GAS7: variants seen among roughly 807,000 people sequenced by gnomAD.
GAS7 encodes the protein growth arrest specific 7.
In GAS7, 28 loss-of-function variants were observed where a neutral mutation model predicts 71.1. That is an observed-to-expected ratio of 0.39 (90% confidence interval 0.29 to 0.54). The LOEUF is 0.54. Among genes scored for constraint, GAS7 ranks in the 20% least tolerant of loss-of-function variants. GAS7 has a pLI of 0.62. For synonymous variants in GAS7, 258 were observed against 245.8 expected (o/e 1.05, Z -0.46); for missense variants, 436 against 627.8 (o/e 0.69, Z 3.27).
At chr17:10,053,222 T>C (rs990482415) in intron 1 of GAS7, among the ~76,000 whole-genome samples, 3 of 152,040 alleles carry the variant, frequency 2.0e-5, no homozygotes, top group Non-Finnish European at 4.4e-5. Flanking sequence ...ATGAATAAAA[T>C]GGACCAAGGG....
At chr17:9,989,311 TGA>T (rs1462522016) in intron 2 of GAS7, among the ~76,000 whole-genome samples, 1 of 152,178 alleles carries the variant, frequency 6.6e-6, no homozygotes, top group African/African-American at 2.4e-5. Flanking sequence ...ACCCTTTATT[TGA>T]GAATCATCCT....
intron 1 of GAS7, among the ~76,000 whole-genome samples, chr17:10,080,919 C>T (rs751436979): frequency 6.6e-6 from 1 of 152,184 alleles, no homozygotes; most frequent in African/African-American, 2.4e-5. Context: ...AGCAACAGAA[C>T]ACACATTTAT....
chr17:9,946,874 G>A lies in GAS7; in HGVS notation c.615+20C>T. On this transcript the variant is annotated intron_variant, in intron 6 of 13. Coordinates refer to ENST00000432992, the MANE Select transcript of GAS7 (RefSeq NM_201433.2). Reference sequence around the variant, plus strand: ...CGGTCACCGGGGTCACGCTGTGGGGGAAACTGAGGCGCTGCTTACCCAGAA... The same window carrying A: ...CGGTCACCGGGGTCACGCTGTGGGGAAAACTGAGGCGCTGCTTACCCAGAA... 4 of 1,557,248 alleles carry A rather than the reference G, an allele frequency of 2.6e-6. No individual in the cohort carries two copies. The highest frequency in any genetic ancestry group is 1.4e-5 in the African/African-American group (1 of 73,866).
At chr17:9,983,188 T>A (rs968310848) in intron 2 of GAS7, among the ~76,000 whole-genome samples, 8 of 152,128 alleles carry the variant, frequency 5.3e-5, no homozygotes, top group African/African-American at 1.9e-4. Context: ...TAAATTTTTG[T>A]GAATACCTTT....
intron 2 of GAS7, among the ~76,000 whole-genome samples, chr17:9,999,948 A>G (rs2071201352): frequency 6.6e-6 from 1 of 152,208 alleles, no homozygotes; most frequent in African/African-American, 2.4e-5. Flanking sequence ...ATCCATGCAG[A>G]GGAATGGTAA....
intron 1 of GAS7, among the ~76,000 whole-genome samples, chr17:10,167,731 CT>C (rs1042871872): frequency 5.3e-5 from 8 of 151,978 alleles, no homozygotes; most frequent in African/African-American, 1.9e-4. Context: ...CAAGGTCTCG[CT>C]CTGTCACCCA....
At chr17:9,964,341 C>T (rs532322005) in intron 4 of GAS7, among the ~76,000 whole-genome samples, 1 of 152,260 alleles carries the variant, frequency 6.6e-6, no homozygotes, top group African/African-American at 2.4e-5. Context: ...GGGTCCCATC[C>T]CTTCAGCAGG....
At chr17:10,082,791 T>C (rs771782630) in intron 1 of GAS7, among the ~76,000 whole-genome samples, 2 of 152,182 alleles carry the variant, frequency 1.3e-5, no homozygotes, top group Non-Finnish European at 2.9e-5. Flanking sequence ...ATTCAACTAA[T>C]GGAATTCTCA....
intron 1 of GAS7, among the ~76,000 whole-genome samples, chr17:10,066,525 A>T (rs3865254): frequency 1.3e-5 from 2 of 151,878 alleles, no homozygotes; most frequent in East Asian, 3.9e-4. Flanking sequence ...TTGCAGAGAC[A>T]GACTCTTGCT....
At chr17:10,056,530 T>TA (rs944015705) in intron 1 of GAS7, among the ~76,000 whole-genome samples, 160 of 146,894 alleles carry the variant, frequency 1.1e-3, no homozygotes, top group African/African-American at 3.5e-3. Context: ...AAAAATAAAT[T>TA]AAAAAAAAAA....
At position 10,034,255 on chromosome 17, in the gene GAS7, G is replaced by C. The variant is rs762035910; in HGVS notation, c.184-14358C>G. The C allele has an allele frequency of 4.1e-6, 4 of 981,868 alleles. No homozygotes were observed. The highest frequency in any genetic ancestry group is 4.8e-6 in the Non-Finnish European group (4 of 826,804). 60.8% of individuals were successfully genotyped at this position (981,868 alleles called of 1,614,324 possible). A position where few individuals can be genotyped will look rare whatever the true frequency, so the allele number is the denominator to read the frequency against. On this transcript the variant is annotated intron_variant, in intron 1 of 13. Coordinates refer to ENST00000432992, the MANE Select transcript of GAS7 (RefSeq NM_201433.2). The surrounding 1 kb of genome is among the most constrained non-coding windows in gnomAD (Gnocchi z 4.4). Reference sequence around the variant, plus strand: ...CTTCATCTCTAAAACACGGAAGTTGGACCAGATGGTCTCCAAGGGCTTTCA... The same window carrying C: ...CTTCATCTCTAAAACACGGAAGTTGCACCAGATGGTCTCCAAGGGCTTTCA...
chr17:9,927,290 T>TACATACAC (rs1555589671), intron 9 of GAS7, among the ~76,000 whole-genome samples: 14 of 116,940 alleles, frequency 1.2e-4, no homozygotes, highest in African/African-American at 3.3e-4. Flanking sequence ...CTCTACTACA[T>TACATACAC]ACACACACAC....
chr17:10,105,498 T>C (rs919939676), intron 1 of GAS7, among the ~76,000 whole-genome samples: 15 of 152,200 alleles, frequency 9.9e-5, no homozygotes. Flanking sequence ...AAATTTCTAT[T>C]GGACTGTGCT....
rs1428198613 is a variant in GAS7 at position 9,919,885 on chromosome 17, A to G, written c.1139-180T>C. ...AGCAGAGCCAGGGAAGGAAGGGGGC[A>G]ACCCAGCCCCATGAGAACCCAGCTC... On this transcript the variant is annotated intron_variant, in intron 11 of 13. Coordinates refer to ENST00000432992, the MANE Select transcript of GAS7 (RefSeq NM_201433.2). This position sits in a 1 kb window ranked among gnomAD's most constrained non-coding sequence, Gnocchi z 5.0. Among the ~76,000 whole-genome samples the G allele has an allele frequency of 6.6e-6, 1 of 152,070 alleles. No homozygotes were observed. The highest frequency in any genetic ancestry group is 2.4e-5 in the African/African-American group (1 of 41,408).
chr17:10,060,184 C>T (rs1461678286), intron 1 of GAS7, among the ~76,000 whole-genome samples: 1 of 152,220 alleles, frequency 6.6e-6, no homozygotes, highest in Non-Finnish European at 1.5e-5. Context: ...GGAGAAGCAG[C>T]CCTGGTGCTT....
intron 1 of GAS7, among the ~76,000 whole-genome samples, chr17:10,119,873 G>T (rs573133680): frequency 9.2e-5 from 14 of 152,284 alleles, no homozygotes; most frequent in African/African-American, 3.4e-4. Context: ...CCTTTTGCCT[G>T]ACTATTCTCA....
chr17:9,938,299 G>C (rs1270513537), intron 8 of GAS7, among the ~76,000 whole-genome samples: 1 of 151,696 alleles, frequency 6.6e-6, no homozygotes, highest in Non-Finnish European at 1.5e-5. Flanking sequence ...TTGAGTTCAG[G>C]GGTTCTAGAC....
intron 1 of GAS7, among the ~76,000 whole-genome samples, chr17:10,074,201 C>G (rs1045406405): frequency 6.6e-6 from 1 of 152,204 alleles, no homozygotes; most frequent in Non-Finnish European, 1.5e-5. Flanking sequence ...ATCGTAAGGA[C>G]AGGCTTTCTC....
chr17:9,952,557 A>G (rs1476404406), intron 5 of GAS7, among the ~76,000 whole-genome samples: 2 of 151,952 alleles, frequency 1.3e-5, no homozygotes, highest in African/African-American at 4.8e-5. Context: ...ATGCCCGGCT[A>G]ATTTTTGTAT....
Sources: allele counts gnomAD v4.1 joint callset (sites outside exome capture counted in the v4.1 genomes callset), GRCh38; gene constraint gnomAD v4.1.1; non-coding constraint Gnocchi (gnomAD v3.1); transcripts MANE v1.5; gene names NCBI Gene and HGNC (gene_info 2026-07-23, HGNC 2026-07-21).